The following MAN1A1 variants were observed in gnomAD, a reference collection of about 807,000 sequenced individuals.
MAN1A1 encodes mannosidase alpha class 1A member 1.
A neutral mutation model predicts 70.8 loss-of-function variants in MAN1A1; 29 were observed. The observed-to-expected ratio is 0.41, with a 90% confidence interval of 0.31 to 0.56. The LOEUF is 0.56. MAN1A1 is among the 20% of genes least tolerant of loss of function. The probability of loss-of-function intolerance (pLI) is 0.29; values close to 1 mark genes in which losing one functional copy is unlikely to be tolerated. For missense variants in MAN1A1, 747 were observed against 841.3 expected (o/e 0.89, Z 1.39); for synonymous variants, 349 against 330.1 (o/e 1.06, Z -0.62).
At chr6:119,257,727 T>C (rs949372452) in intron 5 of MAN1A1, among the ~76,000 whole-genome samples, 6 of 152,000 alleles carry the variant, frequency 3.9e-5, no homozygotes, top group Non-Finnish European at 5.9e-5. Context: ...GGAAACCCAA[T>C]GGCTATACAG....
At chr6:119,276,103 A>T (rs924936221) in intron 5 of MAN1A1, among the ~76,000 whole-genome samples, 13 of 151,996 alleles carry the variant, frequency 8.6e-5, no homozygotes, top group African/African-American at 2.9e-4. Flanking sequence ...TCAATACAGA[A>T]CTCTTAAGTT....
At position 119,189,778 on chromosome 6, in the gene MAN1A1, C is replaced by T. The variant is rs61996305; in HGVS notation, c.1432G>A (p.Ala478Thr). The T allele has an allele frequency of 2.7e-5, 43 of 1,613,984 alleles. No homozygotes were observed. Among genetic ancestry groups the T allele is most frequent in the African/African-American group, 2.0e-4 (15 of 74,904 alleles). ...EHKMGHLTCF[A>T]GGMFALGADA... ...GCCCCGAGTGCGAACATGCCCCCCG[C>T]GAAGCAGGTCAGGTGGCCCATCTTG... Residue 478 changes from alanine to threonine, a missense_variant, in exon 10 of 13, where the codon GCG (alanine) becomes ACG (threonine). Transcript: ENST00000368468.
At chr6:119,312,145 A>C (rs3778105) in intron 2 of MAN1A1, among the ~76,000 whole-genome samples, 1 of 152,106 alleles carries the variant, frequency 6.6e-6, no homozygotes, top group Non-Finnish European at 1.5e-5. Context: ...GCTGTGTCTG[A>C]TTCAGGCAAG....
chr6:119,196,463 T>C (rs1443897013), intron 8 of MAN1A1, among the ~76,000 whole-genome samples: 1 of 152,086 alleles, frequency 6.6e-6, no homozygotes, highest in African/African-American at 2.4e-5. Flanking sequence ...TTAGTGGATG[T>C]CGGGGAGAGC....
intron 12 of MAN1A1, 140 bp from the exon 13 acceptor site, chr6:119,180,085 G>A: frequency 2.1e-6 from 2 of 939,958 alleles, no homozygotes; most frequent in Non-Finnish European, 3.2e-6. Flanking sequence ...TCAAAACCCT[G>A]AGGGGTTATA....
intron 2 of MAN1A1, among the ~76,000 whole-genome samples, chr6:119,345,382 C>T (rs748850928): frequency 2.0e-5 from 3 of 152,096 alleles, no homozygotes; most frequent in Non-Finnish European, 4.4e-5. Context: ...AATAAATATA[C>T]ACTATGTATG....
intron 5 of MAN1A1, among the ~76,000 whole-genome samples, chr6:119,251,639 G>A (rs1775320414): frequency 6.6e-6 from 1 of 152,156 alleles, no homozygotes; most frequent in African/African-American, 2.4e-5. Flanking sequence ...AGAGATCTCT[G>A]AACGTTTTAT....
Position 119,185,590 on chromosome 6 carries a change from T to C in MAN1A1, c.1719+2815A>G, listed in dbSNP as rs542044492. Among the ~76,000 whole-genome samples, 21 of 152,244 alleles carry C rather than the reference T, an allele frequency of 1.4e-4. No individual in the cohort carries two copies. The South Asian group carries it at 4.4e-3, about 32-fold the overall frequency. ...AATATAAGCCAGTTTTTCTTTATTT[T>C]TTTGGAGTTGGAGTCTTGCTCTGTC... On this transcript the variant is annotated intron_variant, in intron 11 of 12. Coordinates refer to ENST00000368468, the MANE Select transcript of MAN1A1 (RefSeq NM_005907.4).
intron 7 of MAN1A1, among the ~76,000 whole-genome samples, chr6:119,202,156 T>G (rs1773730989): frequency 6.6e-6 from 1 of 152,214 alleles, no homozygotes; most frequent in Non-Finnish European, 1.5e-5. Flanking sequence ...TCTTTTGTAA[T>G]AACCATTAGC....
Position 119,265,670 on chromosome 6 carries a change from G to T in MAN1A1, c.898-17316C>A, listed in dbSNP as rs887088001. Among the ~76,000 whole-genome samples the T allele has an allele frequency of 7.3e-5, 11 of 151,288 alleles. No homozygotes were observed. The East Asian group carries it at 1.2e-3, about 16-fold the overall frequency. On this transcript the variant is annotated intron_variant, in intron 5 of 12. Transcript: ENST00000368468. ...TTGTGCTGGTTCAGCTTTTACATTT[G>T]AAAAATCATAATACGGTGAGAAATA...
At chr6:119,331,401 C>T (rs1431288989) in intron 2 of MAN1A1, among the ~76,000 whole-genome samples, 2 of 151,682 alleles carry the variant, frequency 1.3e-5, no homozygotes, top group Admixed American at 6.6e-5. Context: ...GTCATAGTTG[C>T]CCCAAGATGA....
chr6:119,219,261 AACAACAGAGAAC>A (rs1178603101), intron 6 of MAN1A1, among the ~76,000 whole-genome samples: 2 of 150,960 alleles, frequency 1.3e-5, no homozygotes, highest in Non-Finnish European at 3.0e-5. Flanking sequence ...ATTGCATTTA[AACAACAGAGAAC>A]ATTTTATCCA....
chr6:119,313,319 A>G (rs1772762697), intron 2 of MAN1A1, among the ~76,000 whole-genome samples: 3 of 152,096 alleles, frequency 2.0e-5, no homozygotes, highest in Non-Finnish European at 4.4e-5. Context: ...TTGTCCTCAC[A>G]TCATTCCTCA....
At chr6:119,201,961 TAGTA>T (rs1416738070) in intron 7 of MAN1A1, among the ~76,000 whole-genome samples, 12 of 152,150 alleles carry the variant, frequency 7.9e-5, no homozygotes, top group African/African-American at 1.2e-4. Context: ...GTGGATGAGT[TAGTA>T]AGTGAGTAAT....
intron 5 of MAN1A1, among the ~76,000 whole-genome samples, chr6:119,253,234 C>T (rs1775372604): frequency 6.6e-6 from 1 of 152,062 alleles, no homozygotes; most frequent in Non-Finnish European, 1.5e-5. Flanking sequence ...AGGTAATGGT[C>T]ACTGTTTGGT....
Position 119,275,548 on chromosome 6 carries a change from C to T in MAN1A1, c.897+15135G>A, listed in dbSNP as rs1009605163. Among the ~76,000 whole-genome samples, 15 of 145,022 alleles carry T rather than the reference C, an allele frequency of 1.0e-4. 1 individual carries two copies. In the South Asian group the frequency reaches 1.1e-3, roughly 10 times the overall value. ...GTCTTGATCTCCTGACCTCGTGATC[C>T]GCCCGCCTCGGCCTCCCAAAGTGCT... On this transcript the variant is annotated intron_variant, in intron 5 of 12. Transcript: ENST00000368468.
At chr6:119,251,669 C>T (rs1368454625) in intron 5 of MAN1A1, among the ~76,000 whole-genome samples, 1 of 152,104 alleles carries the variant, frequency 6.6e-6, no homozygotes, top group Non-Finnish European at 1.5e-5. Flanking sequence ...TCTCATATCC[C>T]CCAATAATTT....
chr6:119,306,343 C>G (rs1772524197), intron 3 of MAN1A1, among the ~76,000 whole-genome samples: 2 of 152,166 alleles, frequency 1.3e-5, no homozygotes, highest in African/African-American at 4.8e-5. Context: ...CACTACCAGT[C>G]ACAGAGGGCT....
In MAN1A1 at chr6:119,280,793, A is replaced by C. The variant is rs567510533; in HGVS notation, c.897+9890T>G. On this transcript the variant is annotated intron_variant, in intron 5 of 12. Coordinates refer to ENST00000368468, the MANE Select transcript of MAN1A1 (RefSeq NM_005907.4). Reference sequence around the variant, plus strand: ...AATGATTTGAAGTATTGGTTTCAACAGTCATTATGAATTATAAAGTGATTC... The same window carrying C: ...AATGATTTGAAGTATTGGTTTCAACCGTCATTATGAATTATAAAGTGATTC... Among the ~76,000 whole-genome samples, 3 of 152,384 alleles carry C rather than the reference A, an allele frequency of 2.0e-5. No homozygotes were observed. In the East Asian group the frequency reaches 5.8e-4, roughly 29 times the overall value.
Sources: allele counts gnomAD v4.1 joint callset (sites outside exome capture counted in the v4.1 genomes callset), GRCh38; gene constraint gnomAD v4.1.1; transcripts MANE v1.5; gene names NCBI Gene and HGNC (gene_info 2026-07-23, HGNC 2026-07-21).